Variants in KCNIP4 observed in about 807,000 individuals in gnomAD.
KCNIP4 encodes the protein Kv channel-interacting protein 4.
Under a neutral mutation model 34.0 loss-of-function variants are expected in KCNIP4, and 12 were observed. The observed-to-expected ratio is 0.35, with a 90% CI of 0.23 to 0.57. The LOEUF (loss-of-function observed/expected upper bound fraction) is 0.57, where lower values mean the gene tolerates loss of function less well. Among genes scored for constraint, KCNIP4 ranks in the 20% least tolerant of loss-of-function variants. The pLI, the probability that KCNIP4 is intolerant of heterozygous loss-of-function variation, is 0.83. For missense variants in KCNIP4, 238 were observed against 311.7 expected, an observed-to-expected ratio of 0.76 and a Z score of 1.78; for synonymous variants, 124 against 102.2, an observed-to-expected ratio of 1.21 and a Z score of -1.29.
At chr4:20,855,449 A>G (rs1721469557) in intron 2 of KCNIP4, among the ~76,000 whole-genome samples, 1 of 152,120 alleles carries the variant, frequency 6.6e-6, no homozygotes, top group Non-Finnish European at 1.5e-5. Context: ...TAGGACCCCA[A>G]TCCCTTGTCC....
At chr4:21,156,666 A>AATAGAG (rs1753165616) in intron 1 of KCNIP4, among the ~76,000 whole-genome samples, 1 of 152,196 alleles carries the variant, frequency 6.6e-6, no homozygotes, top group South Asian at 2.1e-4. Flanking sequence ...GACACTAAGT[A>AATAGAG]ATAGAGCTGT....
chr4:21,663,852 A>G lies in KCNIP4; in HGVS notation c.61+284719T>C, dbSNP rs577373064. Among the ~76,000 whole-genome samples the G allele has an allele frequency of 2.6e-4, 39 of 152,296 alleles. 1 individual carries two copies. The South Asian group carries it at 5.0e-3, about 19-fold the overall frequency. On this transcript the variant is annotated intron_variant, in intron 1 of 8. Coordinates refer to ENST00000382152, the MANE Select transcript of KCNIP4 (RefSeq NM_025221.6). ...GCACTATTTTGTTGGTATGATATCC[A>G]AGGTAAAGAATGATGTTGCAACTTC...
intron 1 of KCNIP4, among the ~76,000 whole-genome samples, chr4:21,830,414 C>T (rs1277925926): frequency 5.9e-5 from 9 of 152,048 alleles, no homozygotes; most frequent in African/African-American, 2.2e-4. Context: ...GTGACTCATG[C>T]CTGCAATCCA....
At chr4:21,880,593 T>G (rs1396909658) in intron 1 of KCNIP4, among the ~76,000 whole-genome samples, 1 of 152,234 alleles carries the variant, frequency 6.6e-6, no homozygotes, top group African/African-American at 2.4e-5. Flanking sequence ...GAATTAAGTT[T>G]TTTCAACATA....
chr4:20,885,202 A>G (rs1725156136), intron 1 of KCNIP4, among the ~76,000 whole-genome samples: 1 of 152,172 alleles, frequency 6.6e-6, no homozygotes, highest in African/African-American at 2.4e-5. Context: ...ATGAAAGATC[A>G]CCAGGTTAGG....
intron 1 of KCNIP4, among the ~76,000 whole-genome samples, chr4:21,832,752 CA>C (rs1723072804): frequency 8.1e-6 from 1 of 122,812 alleles, no homozygotes; most frequent in African/African-American, 3.1e-5. Flanking sequence ...CCCCCCACCC[CA>C]CAACAGTCCC....
chr4:21,216,640 C>T (rs193183340), intron 1 of KCNIP4, among the ~76,000 whole-genome samples: 3 of 152,146 alleles, frequency 2.0e-5, no homozygotes, highest in East Asian at 3.9e-4. Context: ...GGGGGTAGAA[C>T]GAGAACTAGG....
At chr4:20,778,196 CACT>C (rs1231663908) in intron 3 of KCNIP4, among the ~76,000 whole-genome samples, 1 of 152,124 alleles carries the variant, frequency 6.6e-6, no homozygotes, top group Admixed American at 6.6e-5. Flanking sequence ...ATCTAGTCTC[CACT>C]ACTCACACTA....
At chr4:20,905,509 C>CTTTTTTTTTTTTTTTTTTTTTTTTTT (rs10686415) in intron 1 of KCNIP4, among the ~76,000 whole-genome samples, 5 of 72,800 alleles carry the variant, frequency 6.9e-5, no homozygotes, top group Non-Finnish European at 1.4e-4. Context: ...CGTTTTCTTT[C>CTTTTTTTTTTTTTTTTTTTTTTTTTT]TTTTTTTTTT....
chr4:21,638,190 A>G (rs1396731151), intron 1 of KCNIP4, among the ~76,000 whole-genome samples: 8 of 152,148 alleles, frequency 5.3e-5, no homozygotes, highest in African/African-American at 1.7e-4. Flanking sequence ...AACTATATCC[A>G]TATTGATGGA....
In KCNIP4 at chr4:21,676,688, C is replaced by A. The variant is rs114462611; in HGVS notation, c.61+271883G>T. Among the ~76,000 whole-genome samples, 837 of 152,168 alleles carry A rather than the reference C, an allele frequency of 5.5e-3. 7 individuals carry two copies. Among genetic ancestry groups the A allele is most frequent in the African/African-American group, 0.019 (774 of 41,538 alleles). ...CAACATTAATGAGATTTTAGTCTAT[C>A]CTGTTATTCCTATATTGGAGTGTTT... On this transcript the variant is annotated intron_variant, in intron 1 of 8. Transcript: ENST00000382152.
chr4:21,943,805 AC>A (rs1730336405), intron 1 of KCNIP4, among the ~76,000 whole-genome samples: 1 of 151,906 alleles, frequency 6.6e-6, no homozygotes, highest in African/African-American at 2.4e-5. Flanking sequence ...ATAGGATGTA[AC>A]CCTCATGGCC....
chr4:20,905,505 C>CTTTTTTTTTTTTTTTTTTTT (rs1182454951), intron 1 of KCNIP4, among the ~76,000 whole-genome samples: 2 of 37,032 alleles, frequency 5.4e-5, no homozygotes, highest in African/African-American at 1.5e-4. Context: ...TGAACGTTTT[C>CTTTTTTTTTTTTTTTTTTTT]TTTCTTTTTT....
rs528123961 is a variant in KCNIP4, at chr4:21,320,964, T to TAAAAAAAAAAAAAAAA, written c.62-438271_62-438256dup. ...TGGGCAATAGAGCAAGAATCTGTCT[T>TAAAAAAAAAAAAAAAA]AAAAAAAAAAAAAAAAAAGAGGAAA... On this transcript the variant is annotated intron_variant, in intron 1 of 8. Transcript: ENST00000382152. Among the ~76,000 whole-genome samples, 63 of 102,872 alleles carry TAAAAAAAAAAAAAAAA rather than the reference T, an allele frequency of 6.1e-4. 1 individual carries two copies. The highest frequency in any genetic ancestry group is 1.4e-3 in the African/African-American group (30 of 21,780). 67.5% of individuals were successfully genotyped at this position (102,872 alleles called of 152,430 possible). A position where few individuals can be genotyped will look rare whatever the true frequency, so the allele number is the denominator to read the frequency against.
At chr4:21,879,084 A>G (rs1726307881) in intron 1 of KCNIP4, among the ~76,000 whole-genome samples, 1 of 152,162 alleles carries the variant, frequency 6.6e-6, no homozygotes, top group African/African-American at 2.4e-5. Context: ...TCATAAAATC[A>G]TTATGATTAT....
intron 1 of KCNIP4, among the ~76,000 whole-genome samples, chr4:21,712,895 GTATTAAACACCTTGGA>G (rs2109079237): frequency 1.3e-5 from 2 of 152,212 alleles, no homozygotes; most frequent in African/African-American, 4.8e-5. Context: ...AATCATTCTA[GTATTAAACACCTTGGA>G]AAGATGAGGA....
intron 1 of KCNIP4, among the ~76,000 whole-genome samples, chr4:21,284,939 G>A (rs554383196): frequency 2.2e-4 from 33 of 152,030 alleles, no homozygotes; most frequent in East Asian, 9.7e-4. Flanking sequence ...GGCCCAAATC[G>A]CATATATAGT....
intron 1 of KCNIP4, among the ~76,000 whole-genome samples, chr4:21,942,384 T>C (rs1306456843): frequency 2.0e-5 from 3 of 152,150 alleles, no homozygotes; most frequent in Non-Finnish European, 4.4e-5. Context: ...TGATCATTGA[T>C]CTGGAAGGGA....
At chr4:21,294,421 C>T (rs1763720307) in intron 1 of KCNIP4, among the ~76,000 whole-genome samples, 1 of 152,118 alleles carries the variant, frequency 6.6e-6, no homozygotes, top group Non-Finnish European at 1.5e-5. Context: ...TATAAGAATC[C>T]TTGTTTCTGC....
Sources: allele counts gnomAD v4.1 joint callset (sites outside exome capture counted in the v4.1 genomes callset), GRCh38; gene constraint gnomAD v4.1.1; transcripts MANE v1.5; gene names NCBI Gene and HGNC (gene_info 2026-07-23, HGNC 2026-07-21).